ZNF512: variants seen among roughly 807,000 people sequenced by gnomAD.
The protein encoded by ZNF512 is zinc finger protein 512.
A neutral mutation model predicts 77.5 loss-of-function variants in ZNF512; 25 were observed. The observed-to-expected ratio is 0.32, with a 90% CI of 0.23 to 0.45. The LOEUF (loss-of-function observed/expected upper bound fraction) is 0.45, where lower values mean the gene tolerates loss of function less well. Among genes scored for constraint, ZNF512 ranks in the 20% least tolerant of loss-of-function variants. The probability of loss-of-function intolerance (pLI) is 1.00; values close to 1 mark genes in which losing one functional copy is unlikely to be tolerated. For missense variants in ZNF512, 483 were observed against 692.6 expected, an observed-to-expected ratio of 0.70 and a Z score of 3.40; for synonymous variants, 246 against 239.9, an observed-to-expected ratio of 1.03 and a Z score of -0.24.
At chr2:27,616,153 T>C in intron 11 of ZNF512, 109 bp from the exon 12 acceptor site, 1 of 728,894 alleles carries the variant, frequency 1.4e-6, no homozygotes, top group Non-Finnish European at 2.3e-6. Context: ...GTGGCACAAA[T>C]TATTGGTTTT....
Position 27,617,502 on chromosome 2 carries a change from T to C in ZNF512, c.1326T>C (p.Cys442=). The C allele has an allele frequency of 6.7e-7, 1 of 1,492,192 alleles. No homozygotes were observed. Among genetic ancestry groups the C allele is most frequent in the Non-Finnish European group, 9.4e-7 (1 of 1,068,534 alleles). 92.4% of individuals were successfully genotyped at this position (1,492,192 alleles called of 1,614,324 possible). Residue 442 remains cysteine, a synonymous_variant, in exon 13 of 14, where the codon TGT becomes TGC. Transcript: ENST00000355467. ...ACTTTGTGGCTGGAAAATACAAATG[T>C]CTTCTATGTCAGAAAGAATTTGTGT... ...LGNFVAGKYK[C]LLCQKEFVSE... is the part of the protein sequence containing the mutation.
intron 10 of ZNF512, among the ~76,000 whole-genome samples, chr2:27,610,555 TATATATATATATA>T (rs1254247179): frequency 3.1e-5 from 1 of 31,864 alleles, no homozygotes; most frequent in South Asian, 9.7e-4. Context: ...TATATATATA[TATATATATATATA>T]TTTTTTTTTT....
intron 11 of ZNF512, among the ~76,000 whole-genome samples, chr2:27,615,982 A>T (rs553606930): frequency 6.6e-6 from 1 of 152,220 alleles, no homozygotes; most frequent in African/African-American, 2.4e-5. Context: ...AAAACTATAT[A>T]ATTTTCTGTG....
At chr2:27,601,266 G>A in intron 6 of ZNF512, 90 bp from the exon 7 acceptor site, 1 of 889,476 alleles carries the variant, frequency 1.1e-6, no homozygotes, top group Non-Finnish European at 1.7e-6. Context: ...AGAAATAAAG[G>A]AGACATAGAT....
intron 2 of ZNF512, among the ~76,000 whole-genome samples, chr2:27,588,231 C>G (rs1671425975): frequency 6.6e-6 from 1 of 151,752 alleles, no homozygotes; most frequent in South Asian, 2.1e-4. Context: ...TTTATGTATC[C>G]TATTTAAGAA....
At chr2:27,583,806 G>T (rs1572899300) in intron 2 of ZNF512, 90 bp downstream of exon 2, 7 of 1,436,386 alleles carry the variant, frequency 4.9e-6, no homozygotes, top group Non-Finnish European at 6.7e-6. Context: ...TTCTGTATCT[G>T]CATTGTCCAG....
rs2148053363 is a variant in ZNF512, at chr2:27,623,002, A to G, written c.*1541A>G. 6.5e-6 allele frequency: 1 copy of G among 152,920 alleles called. No homozygotes were observed. The highest frequency in any genetic ancestry group is 1.5e-5 in the Non-Finnish European group (1 of 68,040). 9.5% of individuals were successfully genotyped at this position (152,920 alleles called of 1,614,324 possible). A position where few individuals can be genotyped will look rare whatever the true frequency, so the allele number is the denominator to read the frequency against. On this transcript the variant is annotated 3_prime_UTR_variant, in exon 14 of 14. Coordinates refer to ENST00000355467, the MANE Select transcript of ZNF512 (RefSeq NM_032434.4). ...GCCCTTTCAGTAGATGAGGGTTGTC[A>G]GGGAGGAGAAATGAAGAAGCTATGT...
rs769828829 is a variant in ZNF512 at position 27,583,671 on chromosome 2, C to T, written c.44C>T (p.Thr15Ile). The T allele has an allele frequency of 6.2e-7, 1 of 1,614,190 alleles. No homozygotes were observed. The highest frequency in any genetic ancestry group is 2.2e-5 in the East Asian group (1 of 44,882). The change falls in exon 2 of 14, where the codon ACA becomes ATA. Residue 15 changes from threonine (T) to isoleucine (I), a missense_variant. Thr to Ile is a moderately conservative substitution (Grantham distance 89). Coordinates refer to ENST00000355467, the MANE Select transcript of ZNF512 (RefSeq NM_032434.4). ...GTGATTTGCTAGACTTCGGGACCCA[C>T]AACCTTTAAGCAGCAGAGGAGCACG... ...LGAVPATSGP[T>I]TFKQQRSTRI...
chr2:27,587,435 CCTGA>C (rs1487054789), intron 2 of ZNF512, among the ~76,000 whole-genome samples: 1 of 151,750 alleles, frequency 6.6e-6, no homozygotes, highest in Non-Finnish European at 1.5e-5. Flanking sequence ...CATCACCACG[CCTGA>C]CTAATTTTGG....
intron 10 of ZNF512, among the ~76,000 whole-genome samples, chr2:27,609,637 G>A (rs888927952): frequency 6.6e-6 from 1 of 152,190 alleles, no homozygotes; most frequent in African/African-American, 2.4e-5. Flanking sequence ...AGGAGGCCGT[G>A]GTGGGCCGAT....
At chr2:27,587,612 T>C (rs892208185) in intron 2 of ZNF512, among the ~76,000 whole-genome samples, 6 of 151,818 alleles carry the variant, frequency 4.0e-5, no homozygotes, top group African/African-American at 1.5e-4. Context: ...ATATGAATAA[T>C]AATGTTGAGC....
chr2:27,608,079 C>A lies in ZNF512; in HGVS notation c.1131+40C>A, dbSNP rs757566916. 5 of 1,509,768 alleles carry A rather than the reference C, an allele frequency of 3.3e-6. No homozygotes were observed. In the East Asian group the frequency reaches 9.2e-5, roughly 28 times the overall value. 93.5% of individuals were successfully genotyped at this position (1,509,768 alleles called of 1,614,324 possible). ...TGTATCAATTTGGGAACCATTATGT[C>A]TAACGTTGTGCCTACTGTACACAGA... On this transcript the variant is annotated intron_variant, in intron 10 of 13. Transcript: ENST00000355467.
At position 27,621,147 on chromosome 2, in the gene ZNF512, C is replaced by G. The variant is rs753960508; in HGVS notation, c.1396-6C>G. 4.3e-6 allele frequency: 7 copies of G among 1,612,882 alleles called. No individual in the cohort carries two copies. Among genetic ancestry groups the G allele is most frequent in the South Asian group, 3.3e-5 (3 of 90,956 alleles). ...ACTGGATGACATTTCTATTTTGCCT[C>G]TCTAGGACTGGTTCGTTGTAAACCC... On this transcript the variant is annotated splice_polypyrimidine_tract_variant and splice_region_variant and intron_variant, in intron 13 of 13. Transcript: ENST00000355467.
At position 27,622,411 on chromosome 2, in the gene ZNF512, CCACT is replaced by C. The variant is rs762694961; in HGVS notation, c.*951_*954del. 3.3e-5 allele frequency: 5 copies of C among 152,916 alleles called. No individual in the cohort carries two copies. The highest frequency in any genetic ancestry group is 7.3e-5 in the Non-Finnish European group (5 of 68,066). 9.5% of individuals were successfully genotyped at this position (152,916 alleles called of 1,614,324 possible). A position where few individuals can be genotyped will look rare whatever the true frequency, so the allele number is the denominator to read the frequency against. On this transcript the variant is annotated 3_prime_UTR_variant, in exon 14 of 14. Transcript: ENST00000355467. Reference sequence around the variant, plus strand: ...TTTACCTTACTTGTTAGTCTACGCCCCACTGTTTCCACCCATCCCCTTAGCCAAC... The same window carrying C: ...TTTACCTTACTTGTTAGTCTACGCCCGTTTCCACCCATCCCCTTAGCCAAC...
At chr2:27,617,656 C>A in intron 13 of ZNF512, 85 bp downstream of exon 13, 1 of 701,600 alleles carries the variant, frequency 1.4e-6, no homozygotes, top group South Asian at 1.6e-5. Context: ...CTAAGGCTGT[C>A]AAGGAAAGTA....
In ZNF512 at chr2:27,621,323, A is replaced by G. The variant is rs779556373; in HGVS notation, c.1566A>G (p.Arg522=). ...TTCCCGAGACAGAGCTGAGTCTTAG[A>G]GTAGGGAAGGATCAGAGGAGGAATA... ...IELPETELSL[R]VGKDQRRNNE... The change falls in exon 14 of 14, where the codon AGA becomes AGG. Residue 522 remains arginine, a synonymous_variant. Coordinates refer to ENST00000355467, the MANE Select transcript of ZNF512 (RefSeq NM_032434.4). 1 of 1,614,188 alleles carries G rather than the reference A, an allele frequency of 6.2e-7. No individual in the cohort carries two copies.
In ZNF512 at chr2:27,603,159, C is replaced by G; in HGVS notation, c.788C>G (p.Thr263Ser). 1 of 1,614,114 alleles carries G rather than the reference C, an allele frequency of 6.2e-7. No individual in the cohort carries two copies. The highest frequency in any genetic ancestry group is 8.5e-7 in the Non-Finnish European group (1 of 1,180,002). The change falls in exon 9 of 14, where the codon ACC becomes AGC. Residue 263 changes from threonine (T) to serine (S), a missense_variant. Thr to Ser is a moderately conservative substitution (Grantham distance 58). Around this residue, in one of 2 missense-constraint regions of ZNF512, gnomAD observed 324 missense variants for 525.0 expected, o/e 0.62. Transcript: ENST00000355467. ...CMRESCSSSF[T>S]SIMGYLYHVR... ...GTTCAGAGTTGCTCCAGTAGCTTCACCAGCATCATGGGATATCTCTACCAT... is the reference window on the plus strand; with the variant it reads ...GTTCAGAGTTGCTCCAGTAGCTTCAGCAGCATCATGGGATATCTCTACCAT...
At chr2:27,617,207 G>A in intron 12 of ZNF512, 1 of 351,052 alleles carries the variant, frequency 2.8e-6, no homozygotes, top group South Asian at 4.0e-5. Context: ...GAAAGATGTG[G>A]CATATTACCT....
intron 13 of ZNF512, among the ~76,000 whole-genome samples, chr2:27,617,979 C>A (rs1329880795): frequency 1.4e-5 from 2 of 145,790 alleles, no homozygotes; most frequent in Non-Finnish European, 3.0e-5. Context: ...GACGGAGTCT[C>A]GCTCTGTTGC....
Sources: gnomAD v4.1 joint callset for allele counts (sites outside exome capture counted in the v4.1 genomes callset) on GRCh38, gnomAD v4.1.1 for gene constraint, gnomAD v4.1.1 regional missense constraint, MANE v1.5 for transcripts, NCBI Gene and HGNC (gene_info 2026-07-23, HGNC 2026-07-21) for gene names.